The following RTRAF variants were observed in gnomAD, a reference collection of about 807,000 sequenced individuals.
RTRAF encodes the protein RNA transcription, translation and transport factor, also known as tRNA-splicing ligase complex subunit RTRAF.
A neutral mutation model predicts 34.4 loss-of-function variants in RTRAF; 14 were observed. The ratio of observed to expected loss-of-function variants is 0.41; its 90% CI spans 0.27 to 0.64. The LOEUF is 0.64. Among genes scored for constraint, RTRAF ranks in the 30% least tolerant of loss-of-function variants. RTRAF has a pLI of 0.34. For synonymous variants in RTRAF, 96 were observed against 95.3 expected (o/e 1.01, Z -0.04); for missense variants, 291 against 288.4 (o/e 1.01, Z -0.06).
chr14:52,004,353 A>G lies in RTRAF; in HGVS notation c.581-9A>G, dbSNP rs377312646. 3.0e-4 allele frequency: 491 copies of G among 1,612,818 alleles called. No homozygotes were observed. The highest frequency in any genetic ancestry group is 4.1e-4 in the Non-Finnish European group (481 of 1,179,504). On this transcript the variant is annotated splice_polypyrimidine_tract_variant and intron_variant, in intron 7 of 7. Transcript: ENST00000261700. ...TGTATTGAAGCAGTGTTCTTTTCTCATAAAACAGATGCAGTTCTTAATGAA... is the reference window on the plus strand; with the variant it reads ...TGTATTGAAGCAGTGTTCTTTTCTCGTAAAACAGATGCAGTTCTTAATGAA...
In RTRAF at chr14:52,005,691, C is replaced by T. The variant is rs769939498; in HGVS notation, c.*1175C>T. ...TAATCAAATACCATATATATCCCTT[C>T]TCTACCCTGCTAATTTAAAGGAGCA... On this transcript the variant is annotated 3_prime_UTR_variant, in exon 8 of 8. Coordinates refer to ENST00000261700, the MANE Select transcript of RTRAF (RefSeq NM_016039.3). 3 of 1,494,278 alleles carry T rather than the reference C, an allele frequency of 2.0e-6. No individual in the cohort carries two copies. In the East Asian group the frequency reaches 6.8e-5, roughly 34 times the overall value. 92.6% of individuals were successfully genotyped at this position (1,494,278 alleles called of 1,614,324 possible).
Position 51,989,560 on chromosome 14 carries a change from C to T in RTRAF, c.-80C>T. ...GCCTGCCCGCCCTCTCGCCGCGTCG[C>T]CGGTGCCTGCGCCTCCCGCTCCACC... is the stretch of plus-strand genomic sequence containing the variant. On this transcript the variant is annotated 5_prime_UTR_variant, in exon 1 of 8. Transcript: ENST00000261700. 6.8e-7 allele frequency: 1 copy of T among 1,462,110 alleles called. No homozygotes were observed. The highest frequency in any genetic ancestry group is 1.3e-5 in the South Asian group (1 of 79,984). The allele number at this position is 1,462,110 out of a possible 1,614,324, so 90.6% of individuals were successfully genotyped here. A position where few individuals can be genotyped will look rare whatever the true frequency, so the allele number is the denominator to read the frequency against.
chr14:52,000,114 A>C (rs1251440512), intron 5 of RTRAF, among the ~76,000 whole-genome samples: 1 of 152,118 alleles, frequency 6.6e-6, no homozygotes, highest in Non-Finnish European at 1.5e-5. Flanking sequence ...ATGACACAGA[A>C]AATGACAGAG....
intron 1 of RTRAF, among the ~76,000 whole-genome samples, chr14:51,990,383 A>AC (rs1019480722): frequency 4.6e-5 from 7 of 152,312 alleles, no homozygotes; most frequent in African/African-American, 1.7e-4. Flanking sequence ...ACTGCTACCC[A>AC]CCACTACTCG....
At position 52,006,934 on chromosome 14, in the gene RTRAF, A is replaced by G. The variant is rs1458517645; in HGVS notation, c.*2418A>G. ...TAGGGCATTAAACATAATTATTTTT[A>G]TAATTTGTGTGATTTCAAGCCTTAG... On this transcript the variant is annotated 3_prime_UTR_variant, in exon 8 of 8. Transcript: ENST00000261700. 4.0e-6 allele frequency: 1 copy of G among 249,274 alleles called. No individual in the cohort carries two copies. Among genetic ancestry groups the G allele is most frequent in the African/African-American group, 2.2e-5 (1 of 44,712 alleles). 15.4% of individuals were successfully genotyped at this position (249,274 alleles called of 1,614,324 possible).
At position 52,004,670 on chromosome 14, in the gene RTRAF, T is replaced by G. The variant is rs1890684389; in HGVS notation, c.*154T>G. The stretch of plus-strand genomic sequence containing the variant: ...TTACCACCATTGCTTATTGCTTTTT[T>G]CTTTAATAAAGTTTAGGAAAGTAGA... On this transcript the variant is annotated 3_prime_UTR_variant, in exon 8 of 8. Coordinates refer to ENST00000261700, the MANE Select transcript of RTRAF (RefSeq NM_016039.3). 3.1e-6 allele frequency: 2 copies of G among 654,972 alleles called. No individual in the cohort carries two copies. Among genetic ancestry groups the G allele is most frequent in the Non-Finnish European group, 4.9e-6 (2 of 404,614 alleles). 40.6% of individuals were successfully genotyped at this position (654,972 alleles called of 1,614,324 possible).
intron 5 of RTRAF, among the ~76,000 whole-genome samples, chr14:52,000,601 T>A (rs990925711): frequency 5.9e-5 from 9 of 152,200 alleles, no homozygotes; most frequent in Non-Finnish European, 1.0e-4. Context: ...GCTTTTTAGA[T>A]TTTTATTATT....
rs1212583280 is a variant in RTRAF, at chr14:52,004,924, A to C, written c.*408A>C. 6.3e-6 allele frequency: 1 copy of C among 159,718 alleles called. No homozygotes were observed. Among genetic ancestry groups the C allele is most frequent in the Non-Finnish European group, 1.4e-5 (1 of 73,224 alleles). The allele number at this position is 159,718 out of a possible 1,614,324, so 9.9% of individuals were successfully genotyped here. A position where few individuals can be genotyped will look rare whatever the true frequency, so the allele number is the denominator to read the frequency against. On this transcript the variant is annotated 3_prime_UTR_variant, in exon 8 of 8. Transcript: ENST00000261700. The stretch of plus-strand genomic sequence containing the variant: ...GGTACTTCTATAGAGGCACTACAGG[A>C]TCAGAAAATGCAAATTGAATCATTT...
intron 3 of RTRAF, among the ~76,000 whole-genome samples, chr14:51,994,412 C>T (rs1191546019): frequency 2.0e-5 from 3 of 152,120 alleles, no homozygotes; most frequent in Admixed American, 1.3e-4. Flanking sequence ...TTGTGTTTTT[C>T]GGTTAGTTAC....
intron 3 of RTRAF, among the ~76,000 whole-genome samples, chr14:51,996,706 C>G (rs61971505): frequency 0.095 from 14,447 of 151,974 alleles, 927 homozygotes; most frequent in Non-Finnish European, 0.14. Context: ...TTCCTAAAAA[C>G]AACTTTGTCT....
Position 52,004,531 on chromosome 14 carries a change from C to T in RTRAF, c.*15C>T. On this transcript the variant is annotated 3_prime_UTR_variant, in exon 8 of 8. Transcript: ENST00000261700. ...TTGGAAGATGAACACTTGAGGACTT[C>T]AGCTTCTCACCTACTTAGTACAGTT... is the stretch of plus-strand genomic sequence containing the variant. 1 of 1,605,498 alleles carries T rather than the reference C, an allele frequency of 6.2e-7. No individual in the cohort carries two copies. The highest frequency in any genetic ancestry group is 8.5e-7 in the Non-Finnish European group (1 of 1,177,282).
chr14:52,006,660 C>T lies in RTRAF; in HGVS notation c.*2144C>T, dbSNP rs1274921589. Reference sequence around the variant, plus strand: ...TAGTGTACACTCCAGTTTTTTGGTTCCTTTTAAAACAAAGGGGGAAAATGA... The same window carrying T: ...TAGTGTACACTCCAGTTTTTTGGTTTCTTTTAAAACAAAGGGGGAAAATGA... On this transcript the variant is annotated 3_prime_UTR_variant, in exon 8 of 8. Coordinates refer to ENST00000261700, the MANE Select transcript of RTRAF (RefSeq NM_016039.3). 1 of 1,612,860 alleles carries T rather than the reference C, an allele frequency of 6.2e-7. No homozygotes were observed. The highest frequency in any genetic ancestry group is 8.5e-7 in the Non-Finnish European group (1 of 1,179,304).
At chr14:51,999,978 A>C (rs1030983624) in intron 5 of RTRAF, 182 bp downstream of exon 5, 1 of 493,722 alleles carries the variant, frequency 2.0e-6, no homozygotes, top group Non-Finnish European at 3.6e-6. Flanking sequence ...TGCCTGCACT[A>C]TGCTAAATCC....
intron 2 of RTRAF, 146 bp from the exon 3 acceptor site, chr14:51,993,577 G>T: frequency 1.7e-6 from 1 of 574,430 alleles, no homozygotes; most frequent in Non-Finnish European, 3.0e-6. Flanking sequence ...CTTCTGTTGG[G>T]TTATATAATT....
chr14:52,007,469 A>G lies in RTRAF; in HGVS notation c.*2953A>G. 3.6e-6 allele frequency: 1 copy of G among 280,628 alleles called. No homozygotes were observed. The highest frequency in any genetic ancestry group is 3.9e-5 in the South Asian group (1 of 25,940). The allele number at this position is 280,628 out of a possible 1,614,324, so 17.4% of individuals were successfully genotyped here. A position where few individuals can be genotyped will look rare whatever the true frequency, so the allele number is the denominator to read the frequency against. On this transcript the variant is annotated 3_prime_UTR_variant, in exon 8 of 8. Transcript: ENST00000261700. ...GTCCTTAGCATTATAACAGATGTTT[A>G]TAGGTAAGTTATAGTGACCCTCTCC...
chr14:52,005,778 T>TGAGATCA lies in RTRAF; in HGVS notation c.*1268_*1269insAGAGATC, dbSNP rs1170266672. ...GTAGACTGCAGTTATCCCGTAGAGG[T>TGAGATCA]GAGATCGTTGTTCTGGGAGATACTC... On this transcript the variant is annotated 3_prime_UTR_variant, in exon 8 of 8. Coordinates refer to ENST00000261700, the MANE Select transcript of RTRAF (RefSeq NM_016039.3). 1 of 1,613,726 alleles carries TGAGATCA rather than the reference T, an allele frequency of 6.2e-7. No individual in the cohort carries two copies. The highest frequency in any genetic ancestry group is 1.7e-5 in the Admixed American group (1 of 59,998).
chr14:52,005,898 AAAGAAGTC>A lies in RTRAF; in HGVS notation c.*1384_*1391del. ...ATTCAGGGACAGTCATTTACTAGAT[AAAGAAGTC>A]AGTCAGCCACAGAAAATCAGTTGCA... On this transcript the variant is annotated 3_prime_UTR_variant, in exon 8 of 8. Coordinates refer to ENST00000261700, the MANE Select transcript of RTRAF (RefSeq NM_016039.3). The A allele has an allele frequency of 7.2e-7, 1 of 1,382,130 alleles. No individual in the cohort carries two copies. The highest frequency in any genetic ancestry group is 1.0e-6 in the Non-Finnish European group (1 of 984,764). 85.6% of individuals were successfully genotyped at this position (1,382,130 alleles called of 1,614,324 possible).
rs1890817768 is a variant in RTRAF, at chr14:52,007,139, T to G, written c.*2623T>G. The stretch of plus-strand genomic sequence containing the variant: ...AATGTAAAGGAATCAGTCTTAAAAA[T>G]TTTTACAATAGCTAAACCATTCAAG... On this transcript the variant is annotated 3_prime_UTR_variant, in exon 8 of 8. Transcript: ENST00000261700. 1 of 154,932 alleles carries G rather than the reference T, an allele frequency of 6.5e-6. No individual in the cohort carries two copies. The highest frequency in any genetic ancestry group is 2.4e-5 in the African/African-American group (1 of 41,430). The allele number at this position is 154,932 out of a possible 1,614,324, so 9.6% of individuals were successfully genotyped here. A position where few individuals can be genotyped will look rare whatever the true frequency, so the allele number is the denominator to read the frequency against.
Position 52,004,678 on chromosome 14 carries a change from A to AAAGTT in RTRAF, c.*163_*167dup. The AAAGTT allele has an allele frequency of 3.3e-6, 2 of 609,208 alleles. No individual in the cohort carries two copies. The allele number at this position is 609,208 out of a possible 1,614,324, so 37.7% of individuals were successfully genotyped here. ...ATTGCTTATTGCTTTTTTCTTTAATAAAGTTTAGGAAAGTAGAATTTTTAT... is the reference window on the plus strand; with the variant it reads ...ATTGCTTATTGCTTTTTTCTTTAATAAAGTTAAGTTTAGGAAAGTAGAATTTTTAT... On this transcript the variant is annotated 3_prime_UTR_variant, in exon 8 of 8. Coordinates refer to ENST00000261700, the MANE Select transcript of RTRAF (RefSeq NM_016039.3).
Sources: allele counts gnomAD v4.1 joint callset (sites outside exome capture counted in the v4.1 genomes callset), GRCh38; gene constraint gnomAD v4.1.1; transcripts MANE v1.5; gene names NCBI Gene and HGNC (gene_info 2026-07-23, HGNC 2026-07-21).